NCALD: variants seen among roughly 807,000 people sequenced by gnomAD.
NCALD encodes neurocalcin-delta.
In NCALD, 10 loss-of-function variants were observed where a neutral mutation model predicts 18.6. That is an observed-to-expected ratio of 0.54 (90% confidence interval 0.33 to 0.91). NCALD has a LOEUF of 0.91. Ranked by LOEUF, NCALD falls within the 40% of genes least tolerant of loss-of-function variation. The probability of loss-of-function intolerance (pLI) is 0.03; values close to 1 mark genes in which losing one functional copy is unlikely to be tolerated. For synonymous variants in NCALD, 88 were observed against 87.4 expected (o/e 1.01, Z -0.04); for missense variants, 184 against 247.6 (o/e 0.74, Z 1.72).
chr8:101,982,931 G>T (rs966438485), intron 2 of NCALD, among the ~76,000 whole-genome samples: 5 of 152,112 alleles, frequency 3.3e-5, no homozygotes, highest in African/African-American at 1.2e-4. Context: ...ACTGTGAAGG[G>T]TTTAGCAGAC....
intron 1 of NCALD, among the ~76,000 whole-genome samples, chr8:102,047,446 C>T (rs56281612): frequency 0.21 from 32,542 of 152,088 alleles, 3,942 homozygotes; most frequent in Non-Finnish European, 0.27. Flanking sequence ...ATATTTTCAC[C>T]GCCTGGTATG....
At chr8:101,896,603 T>C (rs1318839296) in intron 3 of NCALD, among the ~76,000 whole-genome samples, 1 of 152,138 alleles carries the variant, frequency 6.6e-6, no homozygotes, top group South Asian at 2.1e-4. Flanking sequence ...AGAAAATTTT[T>C]GCAACCTACT....
At chr8:101,915,805 T>C (rs1817952474) in intron 3 of NCALD, 1 of 152,190 alleles carries the variant, frequency 6.6e-6, no homozygotes, top group Non-Finnish European at 1.5e-5. Context: ...AAATATACAC[T>C]TACTTTCTGA....
At chr8:101,746,958 T>G (rs1276590563) in intron 1 of NCALD, among the ~76,000 whole-genome samples, 2 of 152,110 alleles carry the variant, frequency 1.3e-5, no homozygotes, top group Non-Finnish European at 2.9e-5. Flanking sequence ...GGCAAAGATG[T>G]TCCAATCAAA....
intron 3 of NCALD, among the ~76,000 whole-genome samples, chr8:101,901,937 T>G (rs188614121): frequency 5.1e-4 from 78 of 152,186 alleles, no homozygotes; most frequent in Non-Finnish European, 1.0e-3. Flanking sequence ...GTTACTGGCA[T>G]TCACCACCAT....
rs143358010 is a variant in NCALD, at chr8:101,873,098, C to A, written c.-20+14043G>T. ...TCAGTTAATTGCTCTTTCCCTTCAG[C>A]GTGTTCCTTTGCCATTGACTTCTGT... On this transcript the variant is annotated intron_variant, in intron 4 of 6. Transcript: ENST00000311028. Among the ~76,000 whole-genome samples, 232 of 152,340 alleles carry A rather than the reference C, an allele frequency of 1.5e-3. 1 individual carries two copies. The highest frequency in any genetic ancestry group is 5.2e-3 in the African/African-American group (218 of 41,580).
At chr8:102,003,066 C>A (rs1453436426) in intron 2 of NCALD, among the ~76,000 whole-genome samples, 2 of 151,952 alleles carry the variant, frequency 1.3e-5, no homozygotes, top group Non-Finnish European at 2.9e-5. Flanking sequence ...AAAAAAAAAC[C>A]TTCAAAAAAT....
intron 2 of NCALD, among the ~76,000 whole-genome samples, chr8:101,715,107 C>T (rs1430705981): frequency 1.3e-5 from 2 of 151,940 alleles, no homozygotes; most frequent in African/African-American, 4.8e-5. Context: ...ACCAAAACAC[C>T]ATGGTACTGG....
chr8:102,107,962 G>A (rs1240599724), intron 1 of NCALD, among the ~76,000 whole-genome samples: 2 of 152,144 alleles, frequency 1.3e-5, no homozygotes, highest in African/African-American at 2.4e-5. Context: ...ACCTGCAGAG[G>A]GAAATCTCAA....
At chr8:101,862,170 A>G (rs1271230501) in intron 4 of NCALD, among the ~76,000 whole-genome samples, 1 of 152,230 alleles carries the variant, frequency 6.6e-6, no homozygotes, top group Non-Finnish European at 1.5e-5. Context: ...AATCAATCCA[A>G]AACAAAGGAT....
chr8:101,948,277 T>C (rs1416880504), intron 2 of NCALD, among the ~76,000 whole-genome samples: 1 of 152,174 alleles, frequency 6.6e-6, no homozygotes, highest in Admixed American at 6.5e-5. Flanking sequence ...GTGACCAAGT[T>C]GACAGGACTT....
chr8:102,060,744 C>T (rs371439525), intron 1 of NCALD, among the ~76,000 whole-genome samples: 2 of 151,954 alleles, frequency 1.3e-5, no homozygotes, highest in Admixed American at 1.3e-4. Flanking sequence ...ATCTGTGTCC[C>T]GAGTACTTCA....
intron 2 of NCALD, among the ~76,000 whole-genome samples, chr8:101,967,960 C>T (rs918402869): frequency 2.6e-5 from 4 of 152,136 alleles, no homozygotes; most frequent in African/African-American, 9.7e-5. Flanking sequence ...TCTGACAACC[C>T]CAGTGTAGTG....
chr8:101,898,912 A>C (rs1308362524), intron 3 of NCALD, among the ~76,000 whole-genome samples: 2 of 152,078 alleles, frequency 1.3e-5, no homozygotes, highest in Non-Finnish European at 2.9e-5. Context: ...TATGTCTCCA[A>C]AATTCTTGTT....
At chr8:101,693,019 C>A (rs753636872) in intron 2 of NCALD, 123 bp from the exon 3 acceptor site, 6 of 673,312 alleles carry the variant, frequency 8.9e-6, no homozygotes, top group African/African-American at 7.2e-5. Flanking sequence ...CCTAGTCCTA[C>A]CCCTATTGAT....
chr8:102,020,573 C>T (rs1017449640), intron 1 of NCALD, among the ~76,000 whole-genome samples: 9 of 152,118 alleles, frequency 5.9e-5, no homozygotes, highest in East Asian at 1.9e-4. Context: ...TGCTATTGTC[C>T]GCTTATCCCA....
intron 1 of NCALD, among the ~76,000 whole-genome samples, chr8:102,100,742 C>T (rs571897484): frequency 1.8e-4 from 28 of 152,334 alleles, no homozygotes; most frequent in Admixed American, 6.5e-5. Context: ...GAAATTCTGA[C>T]ACATGCTACA....
intron 1 of NCALD, among the ~76,000 whole-genome samples, chr8:102,040,965 G>A (rs1171132471): frequency 1.4e-5 from 1 of 72,558 alleles, no homozygotes; most frequent in Non-Finnish European, 3.1e-5. Flanking sequence ...TTTAAGGGGT[G>A]GTTAGGTTAC....
At chr8:102,006,960 C>T (rs1330811904) in intron 2 of NCALD, among the ~76,000 whole-genome samples, 2 of 152,306 alleles carry the variant, frequency 1.3e-5, no homozygotes, top group African/African-American at 4.8e-5. Context: ...AGGGAAGTCC[C>T]TTATCAGCAC....
Sources: gnomAD v4.1 joint callset for allele counts (sites outside exome capture counted in the v4.1 genomes callset) on GRCh38, gnomAD v4.1.1 for gene constraint, MANE v1.5 for transcripts, NCBI Gene and HGNC (gene_info 2026-07-23, HGNC 2026-07-21) for gene names.